DPP10: variants seen among roughly 807,000 people sequenced by gnomAD.
The protein encoded by DPP10 is inactive dipeptidyl peptidase 10.
A neutral mutation model predicts 120.9 loss-of-function variants in DPP10; 33 were observed. The observed-to-expected ratio is 0.27, with a 90% CI of 0.21 to 0.37. DPP10 has a LOEUF of 0.37. Among genes scored for constraint, DPP10 ranks in the 10% least tolerant of loss-of-function variants. The pLI, the probability that DPP10 is intolerant of heterozygous loss-of-function variation, is 1.00. For missense variants in DPP10, 816 were observed against 942.8 expected (o/e 0.87, Z 1.76); for synonymous variants, 337 against 326.1 (o/e 1.03, Z -0.36).
At chr2:115,001,348 C>T (rs1701426452) in intron 1 of DPP10, among the ~76,000 whole-genome samples, 1 of 152,088 alleles carries the variant, frequency 6.6e-6, no homozygotes, top group African/African-American at 2.4e-5. Flanking sequence ...AATTCAATAT[C>T]TCTTCATGTT....
intron 3 of DPP10, among the ~76,000 whole-genome samples, chr2:115,474,081 C>T (rs2074913671): frequency 6.6e-6 from 1 of 152,154 alleles, no homozygotes; most frequent in Admixed American, 6.5e-5. Context: ...CTGTCAATAT[C>T]TAACAATCCC....
At chr2:115,273,988 A>G (rs1347967319) in intron 1 of DPP10, among the ~76,000 whole-genome samples, 1 of 152,106 alleles carries the variant, frequency 6.6e-6, no homozygotes, top group Non-Finnish European at 1.5e-5. Flanking sequence ...TGCATGCATC[A>G]TGCACCCACC....
At chr2:115,276,759 GAC>G (rs1257876659) in intron 1 of DPP10, among the ~76,000 whole-genome samples, 20 of 152,170 alleles carry the variant, frequency 1.3e-4, no homozygotes, top group African/African-American at 4.6e-4. Flanking sequence ...TTTTTTTAGA[GAC>G]ACATTTATCA....
rs540463909 is a variant in DPP10, at chr2:115,150,430, A to G, written c.61-158809A>G. Reference sequence around the variant, plus strand: ...GGCGATTAGAGAGTTAGAACATCTCATAATTACTCATTTACTTTTCCAATA... The same window carrying G: ...GGCGATTAGAGAGTTAGAACATCTCGTAATTACTCATTTACTTTTCCAATA... On this transcript the variant is annotated intron_variant, in intron 1 of 25. Coordinates refer to ENST00000410059, the MANE Select transcript of DPP10 (RefSeq NM_020868.6). 1.4e-3 allele frequency among the ~76,000 whole-genome samples: 210 copies of G among 152,364 alleles called. 2 individuals are homozygous for G. The highest frequency in any genetic ancestry group is 4.8e-3 in the African/African-American group (198 of 41,590).
chr2:115,537,301 A>G (rs943772564), intron 5 of DPP10, among the ~76,000 whole-genome samples: 3 of 152,024 alleles, frequency 2.0e-5, no homozygotes, highest in Non-Finnish European at 2.9e-5. Context: ...CTAAGACAAT[A>G]AAGCAACCTA....
At chr2:115,771,759 C>T (rs913042194) in intron 13 of DPP10, among the ~76,000 whole-genome samples, 5 of 152,122 alleles carry the variant, frequency 3.3e-5, no homozygotes, top group Non-Finnish European at 5.9e-5. Flanking sequence ...TCAGCCAGGT[C>T]ACCTTTGCAG....
chr2:114,521,407 G>A (rs17048470), intron 1 of DPP10, among the ~76,000 whole-genome samples: 13,566 of 151,838 alleles, frequency 0.089, 746 homozygotes, highest in African/African-American at 0.15. Flanking sequence ...ATAGAAAATA[G>A]CATCCATGAG....
At chr2:115,802,555 G>T (rs62156334) in intron 19 of DPP10, among the ~76,000 whole-genome samples, 1 of 151,894 alleles carries the variant, frequency 6.6e-6, no homozygotes, top group Non-Finnish European at 1.5e-5. Flanking sequence ...CCTGCTTTCT[G>T]TTGTGGGCAT....
intron 1 of DPP10, among the ~76,000 whole-genome samples, chr2:115,289,859 A>G (rs1022733112): frequency 1.3e-5 from 2 of 152,168 alleles, no homozygotes; most frequent in Non-Finnish European, 2.9e-5. Flanking sequence ...AGATGGATTA[A>G]AGACGTAAAC....
At chr2:115,754,388 T>G (rs942307146) in intron 11 of DPP10, among the ~76,000 whole-genome samples, 1 of 152,228 alleles carries the variant, frequency 6.6e-6, no homozygotes, top group Admixed American at 6.6e-5. Context: ...TACTAAAAAT[T>G]TTTGAAGCAA....
chr2:115,051,964 T>C (rs952789832), intron 1 of DPP10, among the ~76,000 whole-genome samples: 3 of 152,216 alleles, frequency 2.0e-5, no homozygotes, highest in African/African-American at 7.2e-5. Context: ...TTTTGTCAGT[T>C]ATACTTGTAA....
At chr2:114,572,433 A>G (rs1371033353) in intron 1 of DPP10, among the ~76,000 whole-genome samples, 2 of 152,220 alleles carry the variant, frequency 1.3e-5, no homozygotes, top group African/African-American at 4.8e-5. Context: ...ATTCTATAAT[A>G]ATCACCAAAA....
chr2:115,456,222 C>G (rs1192056660), intron 3 of DPP10, among the ~76,000 whole-genome samples: 2 of 152,174 alleles, frequency 1.3e-5, no homozygotes, highest in Non-Finnish European at 2.9e-5. Flanking sequence ...CTCATCATCA[C>G]TTTTCATTAG....
At chr2:114,658,750 T>A (rs1371201304) in intron 1 of DPP10, among the ~76,000 whole-genome samples, 2 of 152,200 alleles carry the variant, frequency 1.3e-5, no homozygotes, top group Non-Finnish European at 2.9e-5. Context: ...TTGCTATGTA[T>A]ACCCTTAGTG....
Position 115,791,061 on chromosome 2 carries a change from C to A in DPP10, c.1532-20C>A. On this transcript the variant is annotated intron_variant, in intron 17 of 25. Transcript: ENST00000410059. ...AATGCATAGGGGTTAGCTATTTACACTACCCTTTTTGGTTTACAGAATATT... is the reference window on the plus strand; with the variant it reads ...AATGCATAGGGGTTAGCTATTTACAATACCCTTTTTGGTTTACAGAATATT... 1 of 1,584,154 alleles carries A rather than the reference C, an allele frequency of 6.3e-7. No individual in the cohort carries two copies. Among genetic ancestry groups the A allele is most frequent in the Non-Finnish European group, 8.6e-7 (1 of 1,157,358 alleles).
At chr2:115,233,917 A>T in intron 1 of DPP10, 2 of 517,860 alleles carry the variant, frequency 3.9e-6, no homozygotes, top group Non-Finnish European at 7.7e-6. Flanking sequence ...TCTGCCCAGT[A>T]GTATCAGGTG....
intron 5 of DPP10, among the ~76,000 whole-genome samples, chr2:115,643,191 G>T (rs996585330): frequency 1.4e-4 from 21 of 151,618 alleles, no homozygotes; most frequent in African/African-American, 5.1e-4. Context: ...TGAAATTGAT[G>T]ACCTTAGTGG....
At chr2:114,606,109 T>A (rs1484595673) in intron 1 of DPP10, among the ~76,000 whole-genome samples, 1 of 152,140 alleles carries the variant, frequency 6.6e-6, no homozygotes, top group Non-Finnish European at 1.5e-5. Flanking sequence ...TCAATAAAGC[T>A]TGCAGTTCTT....
chr2:114,962,859 C>T (rs948152786), intron 1 of DPP10, among the ~76,000 whole-genome samples: 1 of 152,240 alleles, frequency 6.6e-6, no homozygotes. Context: ...ATCCTTCTGA[C>T]ATTGAATGTA....
Sources: allele counts gnomAD v4.1 joint callset (sites outside exome capture counted in the v4.1 genomes callset), GRCh38; gene constraint gnomAD v4.1.1; transcripts MANE v1.5; gene names NCBI Gene and HGNC (gene_info 2026-07-23, HGNC 2026-07-21).